SLC9B1: variants seen among roughly 807,000 people sequenced by gnomAD.
The protein encoded by SLC9B1 is solute carrier family 9 member B1.
In SLC9B1, 32 loss-of-function variants were observed where a neutral mutation model predicts 51.7. The ratio of observed to expected loss-of-function variants is 0.62; its 90% CI spans 0.47 to 0.83. The LOEUF (loss-of-function observed/expected upper bound fraction) is 0.83. Ranked by LOEUF, SLC9B1 falls within the 40% of genes least tolerant of loss-of-function variation. The pLI, the probability that SLC9B1 is intolerant of heterozygous loss-of-function variation, is 0.00. For synonymous variants in SLC9B1, 145 were observed against 212.7 expected (o/e 0.68, Z 2.77); for missense variants, 406 against 613.2 (o/e 0.66, Z 3.57).
In SLC9B1 at chr4:102,977,915, G is replaced by A. The variant is rs537300069; in HGVS notation, c.211+11885C>T. ...GTTGTTGTGCTGCACCCATTAACTCGTCATTTAACATTAGGTGTATCTCCT... is the reference window on the plus strand; with the variant it reads ...GTTGTTGTGCTGCACCCATTAACTCATCATTTAACATTAGGTGTATCTCCT... On this transcript the variant is annotated intron_variant, in intron 3 of 11. Transcript: ENST00000296422. 1.5e-3 allele frequency among the ~76,000 whole-genome samples: 226 copies of A among 152,042 alleles called. 2 individuals carry two copies. Among genetic ancestry groups the A allele is most frequent in the African/African-American group, 5.2e-3 (217 of 41,484 alleles).
At position 102,986,102 on chromosome 4, in the gene SLC9B1, C is replaced by G. The variant is rs183827171; in HGVS notation, c.211+3698G>C. Reference sequence around the variant, plus strand: ...GTGAGTTTCTGATCTACATCATTTTCCTTCTCTCTGAAGACCATCTTTTAA... The same window carrying G: ...GTGAGTTTCTGATCTACATCATTTTGCTTCTCTCTGAAGACCATCTTTTAA... On this transcript the variant is annotated intron_variant, in intron 3 of 11. Coordinates refer to ENST00000296422, the MANE Select transcript of SLC9B1 (RefSeq NM_139173.4). Among the ~76,000 whole-genome samples the G allele has an allele frequency of 4.5e-4, 68 of 152,208 alleles. No homozygotes were observed. In the East Asian group the frequency reaches 0.011, roughly 24 times the overall value.
intron 7 of SLC9B1, among the ~76,000 whole-genome samples, chr4:102,918,623 T>C (rs1735705498): frequency 6.6e-6 from 1 of 152,214 alleles, no homozygotes; most frequent in African/African-American, 2.4e-5. Flanking sequence ...CATGAAGTCA[T>C]AGCCCTCAGA....
chr4:102,922,584 C>G (rs562307526), intron 7 of SLC9B1, among the ~76,000 whole-genome samples: 26 of 152,022 alleles, frequency 1.7e-4, no homozygotes, highest in African/African-American at 6.0e-4. Context: ...GATACAGACA[C>G]AAAAAACCCT....
chr4:102,965,713 C>T (rs543261546), intron 3 of SLC9B1, among the ~76,000 whole-genome samples: 17 of 151,960 alleles, frequency 1.1e-4, no homozygotes, highest in Admixed American at 3.3e-4. Context: ...AGTAACAATT[C>T]AAAGGTCAAA....
At chr4:102,956,314 TAAAA>T (rs35614802) in intron 3 of SLC9B1, among the ~76,000 whole-genome samples, 1 of 133,178 alleles carries the variant, frequency 7.5e-6, no homozygotes, top group Non-Finnish European at 1.7e-5. Context: ...TGAGTATTAC[TAAAA>T]AAAAAAAAAA....
chr4:102,915,669 C>T (rs555412793), intron 7 of SLC9B1, among the ~76,000 whole-genome samples: 1 of 152,330 alleles, frequency 6.6e-6, no homozygotes, highest in African/African-American at 2.4e-5. Context: ...AGGTGTAAGA[C>T]ACCACACCCA....
chr4:102,929,039 G>A (rs1358083669), intron 7 of SLC9B1, among the ~76,000 whole-genome samples: 1 of 152,116 alleles, frequency 6.6e-6, no homozygotes, highest in African/African-American at 2.4e-5. Flanking sequence ...CCCACACTGA[G>A]GGTGGATCTG....
At chr4:102,995,684 G>A (rs919633319) in intron 1 of SLC9B1, among the ~76,000 whole-genome samples, 2 of 152,146 alleles carry the variant, frequency 1.3e-5, no homozygotes, top group Non-Finnish European at 2.9e-5. Flanking sequence ...TAGGTGGTAT[G>A]CCTAAAAGCA....
Position 103,007,927 on chromosome 4 carries a change from A to G in SLC9B1, c.-2+11672T>C, listed in dbSNP as rs559123683. ...TCACAGCTAGGGAAAGCAGAATCAC[A>G]TTTGAGGACAGACACCCAAATATGA... On this transcript the variant is annotated intron_variant, in intron 1 of 11. Transcript: ENST00000296422. Among the ~76,000 whole-genome samples the G allele has an allele frequency of 9.2e-5, 14 of 152,274 alleles. No homozygotes were observed. The East Asian group carries it at 2.5e-3, about 27-fold the overall frequency.
chr4:102,971,478 T>C (rs1345976122), intron 3 of SLC9B1, among the ~76,000 whole-genome samples: 6 of 151,808 alleles, frequency 4.0e-5, no homozygotes, highest in African/African-American at 1.5e-4. Flanking sequence ...CTCTGGGACA[T>C]ATTTAAAGCA....
chr4:103,006,668 A>G (rs1416067761), intron 1 of SLC9B1, among the ~76,000 whole-genome samples: 2 of 152,120 alleles, frequency 1.3e-5, no homozygotes, highest in African/African-American at 4.8e-5. Flanking sequence ...TGATACCCAA[A>G]CCTGGCAGAG....
At chr4:102,968,338 T>G (rs978351965) in intron 3 of SLC9B1, among the ~76,000 whole-genome samples, 1 of 152,188 alleles carries the variant, frequency 6.6e-6, no homozygotes, top group Non-Finnish European at 1.5e-5. Context: ...ATGCAAAAAT[T>G]AACTAAAATG....
chr4:102,977,307 A>G (rs1739125573), intron 3 of SLC9B1, among the ~76,000 whole-genome samples: 1 of 151,676 alleles, frequency 6.6e-6, no homozygotes, highest in South Asian at 2.1e-4. Flanking sequence ...TAAAAAAAAA[A>G]AAAAAAAAAC....
At chr4:102,904,111 T>C (rs1734915753) in intron 11 of SLC9B1, among the ~76,000 whole-genome samples, 1 of 151,224 alleles carries the variant, frequency 6.6e-6, no homozygotes, top group African/African-American at 2.4e-5. Context: ...CAAGCTGGAG[T>C]GAAGTGGTGT....
chr4:102,942,505 G>A (rs767512428), intron 6 of SLC9B1, among the ~76,000 whole-genome samples: 25 of 152,260 alleles, frequency 1.6e-4, no homozygotes, highest in Non-Finnish European at 2.8e-4. Flanking sequence ...ACAGAATAGA[G>A]AACTGAGAAA....
At chr4:102,902,568 G>C (rs1206565284) in intron 11 of SLC9B1, among the ~76,000 whole-genome samples, 1 of 152,108 alleles carries the variant, frequency 6.6e-6, no homozygotes, top group Non-Finnish European at 1.5e-5. Flanking sequence ...ACTTTTAAGA[G>C]ATGATTATGA....
At chr4:102,995,331 T>A (rs1740159254) in intron 1 of SLC9B1, among the ~76,000 whole-genome samples, 1 of 152,040 alleles carries the variant, frequency 6.6e-6, no homozygotes, top group African/African-American at 2.4e-5. Context: ...ATTATAGAGA[T>A]CAAGGTGACA....
chr4:103,006,678 G>C (rs1433609826), intron 1 of SLC9B1, among the ~76,000 whole-genome samples: 1 of 152,006 alleles, frequency 6.6e-6, no homozygotes. Flanking sequence ...ACCTGGCAGA[G>C]ACACAATAAA....
rs1439208701 is a variant in SLC9B1, at chr4:103,013,789, A to T, written c.-2+5810T>A. ...TCATTCTTTCTCGCTGCTTTTCTTTATCTGCTAAAATCAAGTGAATTACTA... is the reference window on the plus strand; with the variant it reads ...TCATTCTTTCTCGCTGCTTTTCTTTTTCTGCTAAAATCAAGTGAATTACTA... On this transcript the variant is annotated intron_variant, in intron 1 of 11. Transcript: ENST00000296422. 3.3e-5 allele frequency among the ~76,000 whole-genome samples: 5 copies of T among 152,330 alleles called. No homozygotes were observed. In the East Asian group the frequency reaches 9.6e-4, roughly 29 times the overall value.
Sources: gnomAD v4.1 joint callset for allele counts (sites outside exome capture counted in the v4.1 genomes callset) on GRCh38, gnomAD v4.1.1 for gene constraint, MANE v1.5 for transcripts, NCBI Gene and HGNC (gene_info 2026-07-23, HGNC 2026-07-21) for gene names.